Variants in ABTB3 observed in about 807,000 individuals in gnomAD.
ABTB3 encodes the protein ankyrin repeat and BTB domain containing 3.
At chr12:107,422,594 A>G in the ABTB3 span, among the ~76,000 whole-genome samples, 4 of 152,346 alleles carry the variant, frequency 2.6e-5, no homozygotes, top group South Asian at 8.3e-4. Context: ...TTGGACCTTG[A>G]TGGCAGCAGT....
At chr12:107,495,852 T>C in the ABTB3 span, among the ~76,000 whole-genome samples, 1 of 152,222 alleles carries the variant, frequency 6.6e-6, no homozygotes, top group East Asian at 1.9e-4. Flanking sequence ...TAAGAGTAAC[T>C]ACCCCATAGG....
the ABTB3 span, among the ~76,000 whole-genome samples, chr12:107,322,322 A>G: frequency 5.3e-5 from 8 of 152,126 alleles, no homozygotes; most frequent in African/African-American, 1.9e-4. Flanking sequence ...TCCTCTGGGT[A>G]TGAGATATAC....
chr12:107,440,548 C>T, the ABTB3 span, among the ~76,000 whole-genome samples: 1 of 152,190 alleles, frequency 6.6e-6, no homozygotes, highest in South Asian at 2.1e-4. Flanking sequence ...GAAGTGAGCC[C>T]AGCCTTGATT....
the ABTB3 span, among the ~76,000 whole-genome samples, chr12:107,376,620 C>G: frequency 6.6e-6 from 1 of 152,088 alleles, no homozygotes; most frequent in East Asian, 1.9e-4. Context: ...TCGTCTGTGA[C>G]CCTTAAAAGA....
At chr12:107,449,392 A>G in the ABTB3 span, among the ~76,000 whole-genome samples, 2 of 152,210 alleles carry the variant, frequency 1.3e-5, no homozygotes, top group Non-Finnish European at 2.9e-5. Flanking sequence ...TAACCAATGG[A>G]TGTCCCAAAA....
At chr12:107,345,643 A>C in the ABTB3 span, among the ~76,000 whole-genome samples, 1,453 of 152,278 alleles carry the variant, frequency 9.5e-3, 26 homozygotes, top group African/African-American at 0.033. Context: ...CCCAGACCAC[A>C]CTAGAGTGGA....
the ABTB3 span, chr12:107,486,774 A>G: frequency 6.6e-6 from 1 of 152,030 alleles, no homozygotes; most frequent in African/African-American, 2.4e-5. Context: ...TGTTCATAGA[A>G]TACAGTATTC....
chr12:107,512,843 A>G, the ABTB3 span, among the ~76,000 whole-genome samples: 2 of 152,206 alleles, frequency 1.3e-5, no homozygotes, highest in South Asian at 4.1e-4. Context: ...AATGTTTTAT[A>G]CATATTAACT....
chr12:107,390,845 T>G, the ABTB3 span, among the ~76,000 whole-genome samples: 2 of 152,192 alleles, frequency 1.3e-5, no homozygotes, highest in Non-Finnish European at 2.9e-5. Flanking sequence ...ATAAGCACTT[T>G]CCATGAATTA....
At chr12:107,627,969 C>T in the ABTB3 span, among the ~76,000 whole-genome samples, 2 of 152,230 alleles carry the variant, frequency 1.3e-5, no homozygotes, top group African/African-American at 4.8e-5. Flanking sequence ...TGTGCGACTG[C>T]ACAATTAGCA....
the ABTB3 span, among the ~76,000 whole-genome samples, chr12:107,631,206 G>T: frequency 6.6e-6 from 1 of 152,188 alleles, no homozygotes; most frequent in Non-Finnish European, 1.5e-5. Flanking sequence ...GGGGTATTTG[G>T]TTTTCTGTTT....
chr12:107,511,885 T>G, the ABTB3 span, among the ~76,000 whole-genome samples: 5 of 152,220 alleles, frequency 3.3e-5, no homozygotes, highest in East Asian at 5.8e-4. Context: ...CAGGTTTTAG[T>G]GGGGAGTCTA....
the ABTB3 span, chr12:107,612,917 G>A: frequency 6.4e-7 from 1 of 1,560,644 alleles, no homozygotes; most frequent in Non-Finnish European, 8.8e-7. Context: ...AGTCCCCAGG[G>A]GAAAGCGAGC....
chr12:107,532,480 T>A, the ABTB3 span, among the ~76,000 whole-genome samples: 2 of 152,084 alleles, frequency 1.3e-5, no homozygotes, highest in Non-Finnish European at 2.9e-5. Context: ...TGCGCCCACC[T>A]GGAATCAAAG....
At chr12:107,615,170 C>T in the ABTB3 span, 32 of 1,602,570 alleles carry the variant, frequency 2.0e-5, no homozygotes, top group Middle Eastern at 3.3e-4. Context: ...CAGGTATTAA[C>T]GTATTTCCCT....
At chr12:107,464,204 AGAGT>A in the ABTB3 span, among the ~76,000 whole-genome samples, 2 of 129,048 alleles carry the variant, frequency 1.5e-5, no homozygotes, top group Non-Finnish European at 3.2e-5. Flanking sequence ...AAACATGTGA[AGAGT>A]GTGTGTGTGT....
chr12:107,631,351 CTGA>C, the ABTB3 span, among the ~76,000 whole-genome samples: 1 of 152,228 alleles, frequency 6.6e-6, no homozygotes, highest in Non-Finnish European at 1.5e-5. Context: ...CAGTGCACCA[CTGA>C]TGGACACCTT....
chr12:107,440,502 A>ATTCTCTCTC, the ABTB3 span, among the ~76,000 whole-genome samples: 1 of 152,070 alleles, frequency 6.6e-6, no homozygotes, highest in Non-Finnish European at 1.5e-5. Flanking sequence ...CCCCTCCCTT[A>ATTCTCTCTC]TTCTCTCTCT....
the ABTB3 span, among the ~76,000 whole-genome samples, chr12:107,444,979 G>A: frequency 1.3e-5 from 2 of 152,180 alleles, no homozygotes; most frequent in South Asian, 2.1e-4. Flanking sequence ...AGAGGTCCAC[G>A]TGGAGCTGGC....
Sources: gnomAD v4.1 joint callset for allele counts (sites outside exome capture counted in the v4.1 genomes callset) on GRCh38, gnomAD v4.1.1 for gene constraint, MANE v1.5 for transcripts, NCBI Gene and HGNC (gene_info 2026-07-23, HGNC 2026-07-21) for gene names.